Variants in MTA3 observed in about 807,000 individuals in gnomAD.
MTA3 encodes the protein metastasis associated 1 family member 3.
Under a neutral mutation model 83.5 loss-of-function variants are expected in MTA3, and 34 were observed. The ratio of observed to expected loss-of-function variants is 0.41; its 90% CI spans 0.31 to 0.54. The LOEUF is 0.54. Ranked by LOEUF, MTA3 falls within the 20% of genes least tolerant of loss-of-function variation. The pLI, the probability that MTA3 is intolerant of heterozygous loss-of-function variation, is 0.33. For synonymous variants in MTA3, 303 were observed against 252.7 expected (o/e 1.20, Z -1.89); for missense variants, 761 against 726.4 (o/e 1.05, Z -0.55).
At chr2:42,549,298 G>T in intron 2 of MTA3, among the ~76,000 whole-genome samples, 1 of 88,610 alleles carries the variant, frequency 1.1e-5, no homozygotes, top group African/African-American at 4.5e-5. Context: ...TAATGTATAT[G>T]TACACGTATA....
intron 3 of MTA3, among the ~76,000 whole-genome samples, chr2:42,606,426 G>A (rs563674567): frequency 1.3e-5 from 2 of 151,634 alleles, no homozygotes; most frequent in Non-Finnish European, 2.9e-5. Context: ...CAGACGGGGC[G>A]GCGGGGCAGA....
intron 4 of MTA3, among the ~76,000 whole-genome samples, chr2:42,616,374 C>T (rs1453816002): frequency 4.7e-5 from 7 of 147,926 alleles, no homozygotes; most frequent in Non-Finnish European, 8.9e-5. Context: ...CTAGGTGGTT[C>T]TATTTAGAGT....
chr2:42,659,677 C>A, intron 7 of MTA3, 86 bp from the exon 8 acceptor site: 1 of 952,810 alleles, frequency 1.0e-6, no homozygotes. Context: ...TTTTTATTTA[C>A]TATCCAAATG....
chr2:42,736,970 A>G (rs1668656290), intron 16 of MTA3, among the ~76,000 whole-genome samples: 1 of 152,198 alleles, frequency 6.6e-6, no homozygotes, highest in Non-Finnish European at 1.5e-5. Context: ...CTGGTGCCCC[A>G]TCCTACTGTG....
chr2:42,697,681 C>T, intron 10 of MTA3, 95 bp from the exon 11 acceptor site: 1 of 839,842 alleles, frequency 1.2e-6, no homozygotes, highest in Non-Finnish European at 1.8e-6. Flanking sequence ...TTGAATTACA[C>T]TTTAATACGT....
chr2:42,616,864 C>T (rs1258479991), intron 4 of MTA3, among the ~76,000 whole-genome samples: 2 of 152,088 alleles, frequency 1.3e-5, no homozygotes, highest in African/African-American at 2.4e-5. Context: ...GGATTACAGG[C>T]GTGAGCCATC....
At chr2:42,676,843 T>G (rs1446163743) in intron 8 of MTA3, among the ~76,000 whole-genome samples, 1 of 152,222 alleles carries the variant, frequency 6.6e-6, no homozygotes, top group Non-Finnish European at 1.5e-5. Context: ...AGTTTTTTCA[T>G]TTATTGTAAA....
At chr2:42,666,579 A>G (rs1268974244) in intron 8 of MTA3, among the ~76,000 whole-genome samples, 1 of 152,184 alleles carries the variant, frequency 6.6e-6, no homozygotes, top group Non-Finnish European at 1.5e-5. Context: ...AACTCTGTTT[A>G]AAACCACATC....
intron 2 of MTA3, among the ~76,000 whole-genome samples, chr2:42,534,664 C>G (rs3937908): frequency 0.81 from 123,782 of 152,188 alleles, 51,000 homozygotes; most frequent in African/African-American, 0.94. Context: ...GCATAAACAA[C>G]TCAGAACTTT....
chr2:42,700,006 A>C (rs1406546548), intron 11 of MTA3, among the ~76,000 whole-genome samples: 2 of 152,136 alleles, frequency 1.3e-5, no homozygotes, highest in East Asian at 3.9e-4. Context: ...ATGGTATCAC[A>C]GAAGCTAAGA....
At chr2:42,739,938 T>C (rs138766387) in intron 16 of MTA3, among the ~76,000 whole-genome samples, 3 of 152,324 alleles carry the variant, frequency 2.0e-5, no homozygotes, top group African/African-American at 7.2e-5. Context: ...TCATTCTAAT[T>C]CTCCTGCTAT....
chr2:42,691,802 A>G (rs1230408402), intron 9 of MTA3, among the ~76,000 whole-genome samples: 2 of 152,224 alleles, frequency 1.3e-5, no homozygotes, highest in African/African-American at 2.4e-5. Context: ...ATTCTTGGGT[A>G]AAGGTCTTTT....
chr2:42,622,310 G>A (rs1035291501), intron 4 of MTA3, among the ~76,000 whole-genome samples: 41 of 151,802 alleles, frequency 2.7e-4, no homozygotes, highest in Non-Finnish European at 4.7e-4. Flanking sequence ...GCAGGCTGAG[G>A]CAGGAGAATC....
chr2:42,704,365 C>T (rs1665879799), intron 12 of MTA3, 47 bp downstream of exon 12: 2 of 1,608,736 alleles, frequency 1.2e-6, no homozygotes, highest in Admixed American at 3.4e-5. Context: ...ACTGTTCTGG[C>T]TCATGGGGTG....
intron 4 of MTA3, among the ~76,000 whole-genome samples, chr2:42,611,982 T>C (rs578253359): frequency 1.3e-5 from 2 of 152,240 alleles, no homozygotes; most frequent in East Asian, 3.9e-4. Context: ...GGATTTTTAT[T>C]AGGGGGCACT....
intron 3 of MTA3, among the ~76,000 whole-genome samples, chr2:42,598,460 C>T (rs759544651): frequency 5.9e-5 from 9 of 152,116 alleles, no homozygotes; most frequent in Non-Finnish European, 1.2e-4. Flanking sequence ...TTCCAAATCA[C>T]GGAATTTTAG....
intron 6 of MTA3, among the ~76,000 whole-genome samples, chr2:42,651,456 T>C (rs1162780002): frequency 6.6e-6 from 1 of 152,152 alleles, no homozygotes; most frequent in East Asian, 1.9e-4. Flanking sequence ...AGCCAGATGA[T>C]GGAAGTTTTT....
chr2:42,606,354 C>T (rs1159563411), intron 3 of MTA3, among the ~76,000 whole-genome samples: 1 of 146,458 alleles, frequency 6.8e-6, no homozygotes. Flanking sequence ...GGGGCAGCTG[C>T]CGGGCGGAGG....
At chr2:42,577,681 A>C (rs754958591) in intron 2 of MTA3, among the ~76,000 whole-genome samples, 73 of 152,060 alleles carry the variant, frequency 4.8e-4, no homozygotes, top group Non-Finnish European at 9.3e-4. Flanking sequence ...GGGTTTTACT[A>C]TGTTGGCCAG....
Sources: allele counts gnomAD v4.1 joint callset (sites outside exome capture counted in the v4.1 genomes callset), GRCh38; gene constraint gnomAD v4.1.1; transcripts MANE v1.5; gene names NCBI Gene and HGNC (gene_info 2026-07-23, HGNC 2026-07-21).